ANK3: variants seen among roughly 807,000 people sequenced by gnomAD.
ANK3 encodes ankyrin-3.
A neutral mutation model predicts 370.9 loss-of-function variants in ANK3; 57 were observed. That is an observed-to-expected ratio of 0.15 (90% confidence interval 0.12 to 0.19). ANK3 has a LOEUF of 0.19. Among genes scored for constraint, ANK3 ranks in the 10% least tolerant of loss-of-function variants. The probability of loss-of-function intolerance (pLI) is 1.00; values close to 1 mark genes in which losing one functional copy is unlikely to be tolerated. For missense variants in ANK3, 4,439 were observed against 5,302.1 expected, an observed-to-expected ratio of 0.84 and a Z score of 5.06; for synonymous variants, 1,929 against 1,946.3, an observed-to-expected ratio of 0.99 and a Z score of 0.23.
At chr10:60,661,005 C>T (rs1203652257) in intron 1 of ANK3, among the ~76,000 whole-genome samples, 1 of 151,880 alleles carries the variant, frequency 6.6e-6, no homozygotes, top group Non-Finnish European at 1.5e-5. Context: ...GAAGTTTAGG[C>T]TTAGTTCTCT....
chr10:60,202,460 G>A (rs768200463), intron 12 of ANK3, among the ~76,000 whole-genome samples: 2 of 152,158 alleles, frequency 1.3e-5, no homozygotes, highest in African/African-American at 4.8e-5. Flanking sequence ...CAGTAGTAAT[G>A]CACCTGTAAG....
chr10:60,731,973 T>C (rs1174164734), intron 1 of ANK3, among the ~76,000 whole-genome samples: 2 of 152,216 alleles, frequency 1.3e-5, no homozygotes, highest in Non-Finnish European at 2.9e-5. Context: ...GAGTCTTCTT[T>C]TGAAGACTTC....
intron 2 of ANK3, among the ~76,000 whole-genome samples, chr10:60,570,254 G>C (rs1005251026): frequency 3.9e-5 from 6 of 152,276 alleles, no homozygotes; most frequent in South Asian, 2.1e-4. Flanking sequence ...AAAATATCAG[G>C]AGGTTCAATG....
chr10:60,189,289 TCGAGAC>T (rs148976941), intron 16 of ANK3, among the ~76,000 whole-genome samples: 55 of 152,238 alleles, frequency 3.6e-4, no homozygotes, highest in African/African-American at 1.3e-3. Context: ...GCTCAGGAGC[TCGAGAC>T]CACCCTGGGC....
intron 1 of ANK3, among the ~76,000 whole-genome samples, chr10:60,376,825 G>A (rs936471521): frequency 2.0e-5 from 3 of 152,178 alleles, no homozygotes; most frequent in Admixed American, 6.5e-5. Context: ...GAAGACAAAC[G>A]AATGGGTGAA....
intron 1 of ANK3, among the ~76,000 whole-genome samples, chr10:60,299,295 A>G (rs2132792110): frequency 6.6e-6 from 1 of 152,318 alleles, no homozygotes; most frequent in East Asian, 1.9e-4. Context: ...TGAAAACTGA[A>G]TCCATTTAAA....
chr10:60,672,311 G>T (rs1009496034), intron 1 of ANK3, among the ~76,000 whole-genome samples: 1 of 152,104 alleles, frequency 6.6e-6, no homozygotes, highest in Admixed American at 6.5e-5. Context: ...CTAATGAGGT[G>T]ACTCTTAGAG....
chr10:60,239,678 G>T (rs1259050442), intron 7 of ANK3, among the ~76,000 whole-genome samples: 1 of 152,098 alleles, frequency 6.6e-6, no homozygotes, highest in East Asian at 1.9e-4. Flanking sequence ...ACCAAGAAAT[G>T]AAGGGCTCTG....
At position 60,106,003 on chromosome 10, in the gene ANK3, A is replaced by T. The variant is rs746969179; in HGVS notation, c.3230T>A (p.Leu1077His). The part of the protein sequence containing the change: ...FGSMRGKERE[L>H]IVLRSENGET... ...ACCATTTTCACTTCGAAGAACAATG[A>T]GTTCTCTCTCTTTTCCTCTCATGGA... Residue 1077 changes from leucine (L) to histidine (H), a missense_variant, in exon 28 of 44, where the codon CTC becomes CAC. By Grantham distance (99) the Leu-to-His change is moderately conservative. This residue lies in a region of ANK3 where 702 missense variants were observed against 941.5 expected (regional missense o/e 0.75). Transcript: ENST00000280772. 6.2e-7 allele frequency: 1 copy of T among 1,612,824 alleles called. No individual in the cohort carries two copies. Among genetic ancestry groups the T allele is most frequent in the Non-Finnish European group, 8.5e-7 (1 of 1,179,424 alleles).
At chr10:60,252,807 T>C (rs1000261207) in intron 7 of ANK3, among the ~76,000 whole-genome samples, 1 of 152,244 alleles carries the variant, frequency 6.6e-6, no homozygotes, top group Non-Finnish European at 1.5e-5. Flanking sequence ...GGATGTACTT[T>C]AGAGGGCTAC....
intron 2 of ANK3, among the ~76,000 whole-genome samples, chr10:60,554,766 A>G (rs1047107959): frequency 8.5e-5 from 13 of 152,340 alleles, no homozygotes; most frequent in African/African-American, 2.9e-4. Flanking sequence ...GATAAAATCA[A>G]TCATACATTA....
chr10:60,144,096 C>T, intron 23 of ANK3: 1 of 316,856 alleles, frequency 3.2e-6, no homozygotes, highest in Non-Finnish European at 6.1e-6. Context: ...TCCACCTCAG[C>T]TGCTGACTGC....
chr10:60,072,372 T>C lies in ANK3; in HGVS notation c.8509A>G (p.Ile2837Val). Residue 2837 changes from isoleucine to valine, a missense_variant, in exon 37 of 44, where the codon ATA becomes GTA. By Grantham distance (29) the Ile-to-Val change is conservative. Coordinates refer to ENST00000280772, the MANE Select transcript of ANK3 (RefSeq NM_020987.5). ...EQQAKDLACH[I>V]TSDLATRGPW... ...CCCCTAGTTGCTAAATCTGAGGTTA[T>C]ATGACATGCCAAGTCTTTAGCCTGC... 1.2e-6 allele frequency: 2 copies of C among 1,614,048 alleles called. No homozygotes were observed. Among genetic ancestry groups the C allele is most frequent in the Non-Finnish European group, 1.7e-6 (2 of 1,179,990 alleles).
chr10:60,415,848 A>T (rs1319294351), intron 2 of ANK3, among the ~76,000 whole-genome samples: 1 of 148,616 alleles, frequency 6.7e-6, no homozygotes, highest in Non-Finnish European at 1.5e-5. Context: ...ATACTAGTAC[A>T]CTTACATATG....
chr10:60,213,972 G>T (rs906941248), intron 8 of ANK3, among the ~76,000 whole-genome samples: 5 of 151,978 alleles, frequency 3.3e-5, no homozygotes, highest in African/African-American at 9.7e-5. Flanking sequence ...TCTCTGCCAT[G>T]AAATTATATA....
intron 1 of ANK3, among the ~76,000 whole-genome samples, chr10:60,352,808 G>A (rs928508725): frequency 2.6e-5 from 4 of 152,142 alleles, no homozygotes; most frequent in African/African-American, 9.7e-5. Context: ...CTCAAGGATG[G>A]TAAGTTCTAT....
intron 1 of ANK3, among the ~76,000 whole-genome samples, chr10:60,649,405 C>A (rs1378118431): frequency 6.6e-6 from 1 of 152,110 alleles, no homozygotes; most frequent in Admixed American, 6.5e-5. Context: ...GCACAGGCAT[C>A]TTAATATGTT....
In ANK3 at chr10:60,224,569, T is replaced by C. The variant is rs551442559; in HGVS notation, c.897+10119A>G. ...TCAAATTTGCTCAGTGTCACTGAAG[T>C]GACACAAATTCGTGGTTTGGGAAAT... On this transcript the variant is annotated intron_variant, in intron 8 of 43. Coordinates refer to ENST00000280772, the MANE Select transcript of ANK3 (RefSeq NM_020987.5). Among the ~76,000 whole-genome samples, 6 of 152,268 alleles carry C rather than the reference T, an allele frequency of 3.9e-5. No homozygotes were observed. In the South Asian group the frequency reaches 1.0e-3, roughly 26 times the overall value.
At chr10:60,556,197 G>T (rs2133240637) in intron 2 of ANK3, among the ~76,000 whole-genome samples, 1 of 152,354 alleles carries the variant, frequency 6.6e-6, no homozygotes, top group Non-Finnish European at 1.5e-5. Context: ...TAACCAATAT[G>T]CAGAACAGAA....
Sources: gnomAD v4.1 joint callset for allele counts (sites outside exome capture counted in the v4.1 genomes callset) on GRCh38, gnomAD v4.1.1 for gene constraint, gnomAD v4.1.1 regional missense constraint, MANE v1.5 for transcripts, NCBI Gene and HGNC (gene_info 2026-07-23, HGNC 2026-07-21) for gene names.